The following C5 variants were observed in gnomAD, a reference collection of about 807,000 sequenced individuals.
C5 encodes the protein C3 and PZP-like alpha-2-macroglobulin domain-containing protein 4.
In C5, 140 loss-of-function variants were observed where a neutral mutation model predicts 218.8. That is an observed-to-expected ratio of 0.64 (90% confidence interval 0.56 to 0.74). C5 has a LOEUF of 0.74. Among genes scored for constraint, C5 ranks in the 30% least tolerant of loss-of-function variants. C5 has a pLI of 0.00. For missense variants in C5, 1,700 were observed against 1,969.6 expected (o/e 0.86, Z 2.59); for synonymous variants, 614 against 682.3 (o/e 0.90, Z 1.56).
chr9:121,061,526 C>A, the C5 span, among the ~76,000 whole-genome samples: 3 of 152,120 alleles, frequency 2.0e-5, no homozygotes, highest in Non-Finnish European at 2.9e-5. Context: ...CCAGCCTGGG[C>A]TACAGAGCAA....
intron 5 of C5, among the ~76,000 whole-genome samples, chr9:121,032,498 A>C (rs566099841): frequency 7.2e-5 from 11 of 152,330 alleles, no homozygotes; most frequent in African/African-American, 2.6e-4. Flanking sequence ...GAATTTATTT[A>C]ATCTTGGAGC....
chr9:121,052,415 G>C (rs922663321), upstream of C5, among the ~76,000 whole-genome samples: 1 of 137,862 alleles, frequency 7.3e-6, no homozygotes, highest in African/African-American at 2.8e-5. Flanking sequence ...TCACGCCACC[G>C]CACTCCAGCC....
At chr9:121,002,657 T>C (rs1057354059) in intron 20 of C5, among the ~76,000 whole-genome samples, 30 of 152,178 alleles carry the variant, frequency 2.0e-4, no homozygotes, top group African/African-American at 7.2e-4. Flanking sequence ...CCATCTTGAA[T>C]CAGGATTTTG....
chr9:121,027,644 T>C (rs1287082390), intron 7 of C5, among the ~76,000 whole-genome samples: 2 of 152,292 alleles, frequency 1.3e-5, no homozygotes, highest in South Asian at 4.1e-4. Flanking sequence ...TAGCCATATA[T>C]AGAAAGCTGA....
chr9:120,965,605 A>G (rs546734715), intron 33 of C5, among the ~76,000 whole-genome samples: 1 of 152,210 alleles, frequency 6.6e-6, no homozygotes, highest in African/African-American at 2.4e-5. Context: ...TATTTGCCAC[A>G]ATAAAGAAAA....
intron 22 of C5, among the ~76,000 whole-genome samples, chr9:120,993,934 G>A (rs930769739): frequency 3.3e-5 from 5 of 152,154 alleles, no homozygotes; most frequent in African/African-American, 4.8e-5. Flanking sequence ...AAAATAAAAC[G>A]AGAGGGGCCT....
chr9:121,044,542 C>G (rs979751703), intron 2 of C5, among the ~76,000 whole-genome samples: 1 of 152,016 alleles, frequency 6.6e-6, no homozygotes, highest in Non-Finnish European at 1.5e-5. Context: ...ATTTGTAGCA[C>G]GTAATAAATG....
At chr9:121,069,812 C>T in the C5 span, among the ~76,000 whole-genome samples, 232 of 152,034 alleles carry the variant, frequency 1.5e-3, 4 homozygotes, top group East Asian at 0.038. Context: ...CCTTGCCCAG[C>T]CAGAAAAAGG....
At chr9:120,994,877 T>G (rs575412546) in intron 22 of C5, among the ~76,000 whole-genome samples, 1 of 150,066 alleles carries the variant, frequency 6.7e-6, no homozygotes, top group South Asian at 2.1e-4. Flanking sequence ...AAGACTGCTC[T>G]GGAAAATTGT....
the C5 span, among the ~76,000 whole-genome samples, chr9:121,069,074 C>T: frequency 0.37 from 55,723 of 151,920 alleles, 12,219 homozygotes; most frequent in South Asian, 0.64. Context: ...GAAATGGTTC[C>T]GGACACTGGT....
the C5 span, among the ~76,000 whole-genome samples, chr9:121,071,996 C>A: frequency 6.2e-4 from 95 of 152,170 alleles, 1 homozygote; most frequent in African/African-American, 1.2e-3. Context: ...GCGTTACTTT[C>A]GTATTCTCAC....
At chr9:120,954,747 C>G (rs2131659998) in intron 39 of C5, among the ~76,000 whole-genome samples, 1 of 152,284 alleles carries the variant, frequency 6.6e-6, no homozygotes, top group South Asian at 2.1e-4. Context: ...ACTTCTGAAC[C>G]AATTGGCAAA....
chr9:120,953,660 G>C, intron 40 of C5, 70 bp downstream of exon 40: 1 of 1,439,500 alleles, frequency 6.9e-7, no homozygotes, highest in Admixed American at 1.7e-5. Flanking sequence ...GAAACACGTA[G>C]TGTATTTAAG....
At chr9:121,074,637 G>C in the C5 span, 3 of 368,862 alleles carry the variant, frequency 8.1e-6, no homozygotes, top group African/African-American at 2.1e-5. Flanking sequence ...GCCCTGAGAA[G>C]CGTGTCCGTG....
At chr9:121,008,085 G>A (rs1281113245) in intron 18 of C5, among the ~76,000 whole-genome samples, 1 of 152,094 alleles carries the variant, frequency 6.6e-6, no homozygotes, top group East Asian at 1.9e-4. Flanking sequence ...TTGTTTTATA[G>A]TACAGATATT....
intron 17 of C5, among the ~76,000 whole-genome samples, chr9:121,012,712 A>G (rs2047271888): frequency 6.6e-6 from 1 of 152,190 alleles, no homozygotes; most frequent in Non-Finnish European, 1.5e-5. Context: ...TGTAACCATC[A>G]TGGAGCGTAC....
intron 28 of C5, among the ~76,000 whole-genome samples, chr9:120,978,258 A>G (rs957750009): frequency 6.6e-6 from 1 of 152,200 alleles, no homozygotes; most frequent in Non-Finnish European, 1.5e-5. Context: ...AAAAAAAGTA[A>G]TGCATATTTG....
At chr9:121,053,574 T>C (rs1249554903), upstream of C5, among the ~76,000 whole-genome samples, 2 of 151,518 alleles carry the variant, frequency 1.3e-5, no homozygotes, top group Non-Finnish European at 2.9e-5. Flanking sequence ...TAAAATCAGG[T>C]GAGTGATCAC....
chr9:120,974,924 A>T lies in C5; in HGVS notation c.3872T>A (p.Ile1291Asn). 6.2e-7 allele frequency: 1 copy of T among 1,614,170 alleles called. No homozygotes were observed. Among genetic ancestry groups the T allele is most frequent in the Non-Finnish European group, 8.5e-7 (1 of 1,180,008 alleles). ...GGGFYSTQDT[I>N]NAIEGLTEYS... ...TTCCGTCAGGCCCTCAATGGCATTG[A>T]TTGTGTCCTGTCAGCAATCAGCAAG... The change falls in exon 30 of 41, where the codon ATC (isoleucine) becomes AAC (asparagine). Residue 1291 changes from isoleucine to asparagine, a missense_variant. Transcript: ENST00000223642.
Sources: allele counts gnomAD v4.1 joint callset (sites outside exome capture counted in the v4.1 genomes callset), GRCh38; gene constraint gnomAD v4.1.1; transcripts MANE v1.5; gene names NCBI Gene and HGNC (gene_info 2026-07-23, HGNC 2026-07-21).